Variants in RECK observed in about 807,000 individuals in gnomAD.
The protein encoded by RECK is reversion inducing cysteine rich protein with kazal motifs, also known as reversion-inducing cysteine-rich protein with Kazal motifs.
RECK carries 69 observed loss-of-function variants against 115.1 expected under a neutral mutation model. That is an observed-to-expected ratio of 0.60 (90% confidence interval 0.49 to 0.73). The LOEUF is 0.73. RECK is among the 30% of genes least tolerant of loss of function. The pLI is 0.00. For synonymous variants in RECK, 414 were observed against 419.7 expected (o/e 0.99, Z 0.17); for missense variants, 1,047 against 1,203.7 (o/e 0.87, Z 1.93).
Position 36,043,010 on chromosome 9 carries a change from C to CTTTTTTTT in RECK, c.100+5935_100+5942dup, listed in dbSNP as rs61673918. Among the ~76,000 whole-genome samples, 100 of 59,462 alleles carry CTTTTTTTT rather than the reference C, an allele frequency of 1.7e-3. 31 individuals are homozygous for CTTTTTTTT. Among genetic ancestry groups the CTTTTTTTT allele is most frequent in the South Asian group, 5.6e-3 (6 of 1,068 alleles). 39.0% of individuals were successfully genotyped at this position (59,462 alleles called of 152,430 possible). ...ACTGTCTATTCATGTCCTTAGCCCACTTTTTTTTTTTTTTTTTTTTTTTTT... is the reference window on the plus strand; with the variant it reads ...ACTGTCTATTCATGTCCTTAGCCCACTTTTTTTTTTTTTTTTTTTTTTTTTTTTTTTTT... On this transcript the variant is annotated intron_variant, in intron 1 of 20. Coordinates refer to ENST00000377966, the MANE Select transcript of RECK (RefSeq NM_021111.3).
intron 17 of RECK, among the ~76,000 whole-genome samples, chr9:36,118,363 C>T (rs1292416111): frequency 2.0e-5 from 3 of 152,166 alleles, no homozygotes. Context: ...TTATCCCATA[C>T]CCAGCATGAA....
chr9:36,075,787 G>A (rs1269746218), intron 6 of RECK, among the ~76,000 whole-genome samples: 1 of 152,124 alleles, frequency 6.6e-6, no homozygotes, highest in Non-Finnish European at 1.5e-5. Context: ...TTAAGTAATA[G>A]CATAGTTAAG....
intron 7 of RECK, 48 bp from the exon 8 acceptor site, chr9:36,083,317 A>T: frequency 6.4e-7 from 1 of 1,560,846 alleles, no homozygotes; most frequent in Non-Finnish European, 8.8e-7. Flanking sequence ...ATTTAATGTT[A>T]ACAAAAAGCT....
intron 8 of RECK, among the ~76,000 whole-genome samples, chr9:36,084,290 C>T (rs1367540053): frequency 1.3e-5 from 2 of 152,074 alleles, no homozygotes; most frequent in Admixed American, 6.6e-5. Context: ...TCTTGGGAGG[C>T]TGAGGCTGGA....
chr9:36,042,976 G>A (rs537260815), intron 1 of RECK, among the ~76,000 whole-genome samples: 75 of 93,264 alleles, frequency 8.0e-4, no homozygotes, highest in Admixed American at 3.0e-3. Flanking sequence ...TGTATATCTT[G>A]TTTTGAGAAC....
intron 1 of RECK, among the ~76,000 whole-genome samples, chr9:36,041,237 G>T (rs1310186383): frequency 1.3e-5 from 2 of 152,152 alleles, no homozygotes; most frequent in Non-Finnish European, 2.9e-5. Flanking sequence ...TGAGGAAAAA[G>T]CATATGGTTT....
At chr9:36,089,686 G>A (rs1285045146) in intron 9 of RECK, among the ~76,000 whole-genome samples, 1 of 152,136 alleles carries the variant, frequency 6.6e-6, no homozygotes, top group Non-Finnish European at 1.5e-5. Context: ...CAGGCTATGT[G>A]TATAAGGTAT....
At chr9:36,047,548 T>G (rs560074124) in intron 1 of RECK, among the ~76,000 whole-genome samples, 5 of 152,186 alleles carry the variant, frequency 3.3e-5, no homozygotes, top group African/African-American at 1.2e-4. Flanking sequence ...GAGGTTGTAG[T>G]GAGCCAAGAC....
intron 4 of RECK, 61 bp from the exon 5 acceptor site, chr9:36,063,734 G>A: frequency 6.8e-7 from 1 of 1,467,326 alleles, no homozygotes; most frequent in Non-Finnish European, 9.5e-7. Context: ...TGAAACATCT[G>A]GCATGCTATC....
At chr9:36,064,401 T>G (rs7037965) in intron 5 of RECK, among the ~76,000 whole-genome samples, 3,875 of 152,314 alleles carry the variant, frequency 0.025, 171 homozygotes, top group African/African-American at 0.087. Flanking sequence ...TGCCTGAGTT[T>G]GTCCTCACTT....
chr9:36,112,269 C>T, intron 15 of RECK, 36 bp from the exon 16 acceptor site: 2 of 1,602,684 alleles, frequency 1.2e-6, no homozygotes, highest in East Asian at 2.2e-5. Flanking sequence ...GGGGAATATA[C>T]ACATACATAT....
chr9:36,102,857 G>A (rs1033028457), intron 12 of RECK, among the ~76,000 whole-genome samples: 5 of 151,160 alleles, frequency 3.3e-5, no homozygotes, highest in African/African-American at 7.3e-5. Context: ...TCCGGAGGCC[G>A]AGGCAGGAGA....
At chr9:36,071,767 G>A (rs1451377475) in intron 6 of RECK, among the ~76,000 whole-genome samples, 1 of 152,130 alleles carries the variant, frequency 6.6e-6, no homozygotes, top group Non-Finnish European at 1.5e-5. Flanking sequence ...CTAAACAGTT[G>A]CCAATACAAC....
At chr9:36,112,140 A>AC (rs1448331229) in intron 15 of RECK, among the ~76,000 whole-genome samples, 165 bp from the exon 16 acceptor site, 5 of 150,830 alleles carry the variant, frequency 3.3e-5, no homozygotes, top group Admixed American at 2.0e-4. Flanking sequence ...AAAAAAAAAA[A>AC]AAAACCCTGT....
intron 16 of RECK, among the ~76,000 whole-genome samples, chr9:36,116,118 G>C (rs1824249494): frequency 6.9e-6 from 1 of 144,644 alleles, no homozygotes; most frequent in African/African-American, 2.6e-5. Context: ...AGGACAAAGA[G>C]TGAGGCCTTT....
intron 1 of RECK, among the ~76,000 whole-genome samples, chr9:36,039,632 A>G (rs1820800915): frequency 6.6e-6 from 1 of 152,222 alleles, no homozygotes; most frequent in African/African-American, 2.4e-5. Context: ...ATGGCACCTG[A>G]TAATGGCTCC....
intron 10 of RECK, among the ~76,000 whole-genome samples, chr9:36,097,327 C>CAAAAAAAAAAAAAAAAAAA (rs56837267): frequency 1.4e-5 from 1 of 69,634 alleles, no homozygotes. Flanking sequence ...GACTCCATCT[C>CAAAAAAAAAAAAAAAAAAA]AAAAAAAAAA....
At chr9:36,070,283 A>G (rs7852424) in intron 6 of RECK, among the ~76,000 whole-genome samples, 23,603 of 152,120 alleles carry the variant, frequency 0.16, 3,689 homozygotes, top group African/African-American at 0.39. Context: ...GAAGCATATG[A>G]TGTGTTAGGG....
chr9:36,102,224 T>G lies in RECK; in HGVS notation c.1429T>G (p.Tyr477Asp). The part of the protein sequence containing the change: ...DLKNCIPLDT[Y>D]LRPSTLGNIV... ...GAAGAATTGTATACCTTTGGATACA[T>G]ACCTCAGTAAGTACTTTTTTGTATG... Residue 477 changes from tyrosine (Y) to aspartate (D), a missense_variant, in exon 12 of 21, where the codon TAC becomes GAC. Coordinates refer to ENST00000377966, the MANE Select transcript of RECK (RefSeq NM_021111.3). 6.2e-7 allele frequency: 1 copy of G among 1,603,006 alleles called. No homozygotes were observed. The highest frequency in any genetic ancestry group is 8.5e-7 in the Non-Finnish European group (1 of 1,175,890).
Sources: gnomAD v4.1 joint callset for allele counts (sites outside exome capture counted in the v4.1 genomes callset) on GRCh38, gnomAD v4.1.1 for gene constraint, MANE v1.5 for transcripts, NCBI Gene and HGNC (gene_info 2026-07-23, HGNC 2026-07-21) for gene names.